The following ANO2 variants were observed in gnomAD, a reference collection of about 807,000 sequenced individuals.
ANO2 encodes anoctamin-2.
Under a neutral mutation model 124.2 loss-of-function variants are expected in ANO2, and 101 were observed. The ratio of observed to expected loss-of-function variants is 0.81; its 90% CI spans 0.69 to 0.96. The LOEUF (loss-of-function observed/expected upper bound fraction) is 0.96. Among genes scored for constraint, ANO2 ranks in the 40% least tolerant of loss-of-function variants. ANO2 has a pLI of 0.00. For synonymous variants in ANO2, 486 were observed against 482.5 expected, an observed-to-expected ratio of 1.01 and a Z score of -0.09; for missense variants, 1,293 against 1,274.5, an observed-to-expected ratio of 1.01 and a Z score of -0.22.
chr12:5,793,773 C>A (rs1237391424), intron 10 of ANO2, among the ~76,000 whole-genome samples: 1 of 152,226 alleles, frequency 6.6e-6, no homozygotes, highest in Non-Finnish European at 1.5e-5. Context: ...AGAAGACCAA[C>A]ACAGTCATTA....
intron 14 of ANO2, among the ~76,000 whole-genome samples, chr12:5,711,620 T>A (rs1254895296): frequency 1.3e-5 from 2 of 152,224 alleles, no homozygotes; most frequent in African/African-American, 4.8e-5. Context: ...CAAGACCTGC[T>A]CCTCTTTTTG....
At chr12:5,641,334 T>C (rs143308580) in intron 15 of ANO2, among the ~76,000 whole-genome samples, 1 of 152,138 alleles carries the variant, frequency 6.6e-6, no homozygotes, top group Non-Finnish European at 1.5e-5. Context: ...GTAGCAAACC[T>C]GCACATTGTG....
intron 4 of ANO2, among the ~76,000 whole-genome samples, chr12:5,833,556 G>C (rs910390836): frequency 6.6e-6 from 1 of 152,110 alleles, no homozygotes; most frequent in African/African-American, 2.4e-5. Context: ...CCCAATCCCC[G>C]GGGCCACAAA....
intron 11 of ANO2, among the ~76,000 whole-genome samples, chr12:5,744,908 T>C (rs1951222520): frequency 1.3e-5 from 2 of 152,160 alleles, no homozygotes; most frequent in Non-Finnish European, 2.9e-5. Flanking sequence ...GAGCCACTTG[T>C]AGAATGGAGA....
At chr12:5,596,923 T>C (rs561360893) in intron 20 of ANO2, among the ~76,000 whole-genome samples, 1 of 152,248 alleles carries the variant, frequency 6.6e-6, no homozygotes, top group Admixed American at 6.5e-5. Flanking sequence ...AATCCTATTA[T>C]ATTATTATCT....
intron 13 of ANO2, 113 bp from the exon 14 acceptor site, chr12:5,732,743 G>T: frequency 6.6e-7 from 1 of 1,524,674 alleles, no homozygotes; most frequent in Non-Finnish European, 9.1e-7. Context: ...GGATGCTATT[G>T]GATATGAACT....
chr12:5,935,451 A>T (rs1197215950), intron 1 of ANO2, among the ~76,000 whole-genome samples: 2 of 152,180 alleles, frequency 1.3e-5, no homozygotes, highest in East Asian at 1.9e-4. Flanking sequence ...GTGGGGGAAA[A>T]TTTTGAGAAA....
intron 3 of ANO2, among the ~76,000 whole-genome samples, chr12:5,875,480 C>T (rs1005067096): frequency 1.3e-5 from 2 of 152,226 alleles, no homozygotes; most frequent in Admixed American, 1.3e-4. Flanking sequence ...TCCATTCCTC[C>T]ATCTCCTCCC....
chr12:5,687,542 G>T (rs1948756306), intron 14 of ANO2, among the ~76,000 whole-genome samples: 5 of 152,238 alleles, frequency 3.3e-5, no homozygotes, highest in African/African-American at 1.2e-4. Context: ...TCCTGATGGA[G>T]GCTTGGGGAC....
intron 10 of ANO2, among the ~76,000 whole-genome samples, chr12:5,789,411 C>A (rs1415290280): frequency 1.3e-5 from 2 of 152,252 alleles, no homozygotes; most frequent in Non-Finnish European, 2.9e-5. Context: ...CTCCAATCCC[C>A]TCTCTGTCTC....
intron 3 of ANO2, among the ~76,000 whole-genome samples, chr12:5,882,135 G>A (rs1483832438): frequency 6.6e-6 from 1 of 152,154 alleles, no homozygotes; most frequent in African/African-American, 2.4e-5. Flanking sequence ...GAAAGGAACA[G>A]TCAAAAGCAT....
intron 3 of ANO2, among the ~76,000 whole-genome samples, chr12:5,914,767 G>T (rs1176068167): frequency 3.3e-5 from 5 of 152,182 alleles, no homozygotes; most frequent in Non-Finnish European, 7.3e-5. Flanking sequence ...GGATTTCAGG[G>T]CCTGCAAGGT....
rs56188367 is a variant in ANO2 at position 5,583,375 on chromosome 12, T to C, written c.2234-4857A>G. ...AGCTTTTAAAAAAATGCTTTCTGGC[T>C]GGGCGCGGTGGCTCACGCCTGTAAT... On this transcript the variant is annotated intron_variant, in intron 20 of 24. Transcript: ENST00000682330. Among the ~76,000 whole-genome samples the C allele has an allele frequency of 3.1e-3, 478 of 152,248 alleles. 3 individuals are homozygous for C. The highest frequency in any genetic ancestry group is 0.019 in the South Asian group (92 of 4,824).
intron 14 of ANO2, among the ~76,000 whole-genome samples, chr12:5,720,327 T>C (rs1301872152): frequency 6.6e-6 from 1 of 152,156 alleles, no homozygotes; most frequent in Admixed American, 6.5e-5. Context: ...ATTTTGACCC[T>C]GGAGGAATTT....
chr12:5,927,996 C>T (rs1234980682), intron 1 of ANO2, among the ~76,000 whole-genome samples: 1 of 152,228 alleles, frequency 6.6e-6, no homozygotes, highest in Admixed American at 6.5e-5. Context: ...AACACCAAAG[C>T]CAAGGAGACC....
chr12:5,798,422 C>T (rs550157232), intron 10 of ANO2, among the ~76,000 whole-genome samples: 7 of 152,152 alleles, frequency 4.6e-5, no homozygotes, highest in African/African-American at 1.2e-4. Context: ...CTGGCCTCCA[C>T]GCGGCTTTCT....
rs116039537 is a variant in ANO2 at position 5,901,263 on chromosome 12, G to A, written c.534+19777C>T. On this transcript the variant is annotated intron_variant, in intron 3 of 24. Coordinates refer to ENST00000682330, the MANE Select transcript of ANO2 (RefSeq NM_001364791.2). ...AGATGCTTGGAACAGGAAGCAGCCAGACAGCATTTGGACAGGAGCTTGCAA... is the reference window on the plus strand; with the variant it reads ...AGATGCTTGGAACAGGAAGCAGCCAAACAGCATTTGGACAGGAGCTTGCAA... 3.2e-3 allele frequency among the ~76,000 whole-genome samples: 489 copies of A among 152,344 alleles called. 4 individuals are homozygous for A. Among genetic ancestry groups the A allele is most frequent in the African/African-American group, 0.011 (464 of 41,570 alleles).
chr12:5,687,541 A>G (rs1253803398), intron 14 of ANO2, among the ~76,000 whole-genome samples: 1 of 152,208 alleles, frequency 6.6e-6, no homozygotes, highest in African/African-American at 2.4e-5. Context: ...GTCCTGATGG[A>G]GGCTTGGGGA....
At chr12:5,816,022 G>A (rs1953597215) in intron 7 of ANO2, among the ~76,000 whole-genome samples, 1 of 151,886 alleles carries the variant, frequency 6.6e-6, no homozygotes. Context: ...GGGTACAATG[G>A]GAAAGAGAAT....
Sources: allele counts gnomAD v4.1 joint callset (sites outside exome capture counted in the v4.1 genomes callset), GRCh38; gene constraint gnomAD v4.1.1; transcripts MANE v1.5; gene names NCBI Gene and HGNC (gene_info 2026-07-23, HGNC 2026-07-21).